FAM13A: variants seen among roughly 807,000 people sequenced by gnomAD.
FAM13A encodes the protein protein FAM13A.
FAM13A carries 76 observed loss-of-function variants against 129.6 expected under a neutral mutation model. That is an observed-to-expected ratio of 0.59 (90% CI 0.49 to 0.71). The LOEUF is 0.71. Ranked by LOEUF, FAM13A falls within the 30% of genes least tolerant of loss-of-function variation. The pLI is 0.00. For synonymous variants in FAM13A, 443 were observed against 449.9 expected, an observed-to-expected ratio of 0.98 and a Z score of 0.20; for missense variants, 1,108 against 1,249.3, an observed-to-expected ratio of 0.89 and a Z score of 1.70.
chr4:88,781,099 T>C (rs1722754394), intron 11 of FAM13A, 66 bp downstream of exon 11: 3 of 1,169,652 alleles, frequency 2.6e-6, no homozygotes, highest in Non-Finnish European at 3.5e-6. Context: ...TTAATTTTTT[T>C]ACAAAGCAAA....
intron 6 of FAM13A, among the ~76,000 whole-genome samples, chr4:88,874,678 A>G (rs542615926): frequency 1.5e-4 from 23 of 152,340 alleles, no homozygotes; most frequent in South Asian, 8.3e-4. Flanking sequence ...ATGCTCATGC[A>G]TAGGAAGAAT....
chr4:88,943,438 ACTTTCTGTTAAAATGTT>A (rs1464089822), intron 4 of FAM13A, among the ~76,000 whole-genome samples: 1 of 152,232 alleles, frequency 6.6e-6, no homozygotes, highest in East Asian at 1.9e-4. Flanking sequence ...ATCAGTCATA[ACTTTCTGTTAAAATGTT>A]GTACACCACA....
intron 7 of FAM13A, chr4:88,822,842 A>C: frequency 2.4e-6 from 3 of 1,235,914 alleles, no homozygotes; most frequent in South Asian, 3.4e-5. Context: ...GTTCTTAGGG[A>C]GGAACCATAT....
intron 6 of FAM13A, among the ~76,000 whole-genome samples, chr4:88,857,887 A>C (rs1030408894): frequency 1.3e-5 from 2 of 152,210 alleles, no homozygotes; most frequent in African/African-American, 4.8e-5. Context: ...CTGTATAATG[A>C]CTAAGAAACT....
rs1767138447 is a variant in FAM13A at position 89,020,602 on chromosome 4, C to T, written c.285G>A (p.Lys95=). The T allele has an allele frequency of 1.2e-6, 2 of 1,614,146 alleles. No individual in the cohort carries two copies. Among genetic ancestry groups the T allele is most frequent in the East Asian group, 2.2e-5 (1 of 44,880 alleles). The change falls in exon 3 of 24, where the codon AAG becomes AAA. Residue 95 remains lysine, a synonymous_variant. Coordinates refer to ENST00000264344, the MANE Select transcript of FAM13A (RefSeq NM_014883.4). ...GCTCCACGGGCACTCCACTCTCGAA[C>T]TTCAGTCGAAGTTGTTCCACCACCT... ...NVKVVEQLRL[K]FESGVPVELG...
chr4:88,867,028 T>C lies in FAM13A; in HGVS notation c.844-15845A>G, dbSNP rs190985904. 2.4e-4 allele frequency among the ~76,000 whole-genome samples: 36 copies of C among 152,350 alleles called. No homozygotes were observed. In the East Asian group the frequency reaches 6.7e-3, roughly 29 times the overall value. ...GTAGATTCTCATTATGTGTGGTAGTTATGTTCTATAAAGTTGCCATGAACA... is the reference window on the plus strand; with the variant it reads ...GTAGATTCTCATTATGTGTGGTAGTCATGTTCTATAAAGTTGCCATGAACA... On this transcript the variant is annotated intron_variant, in intron 6 of 23. Transcript: ENST00000264344.
intron 7 of FAM13A, chr4:88,823,223 C>T (rs899770515): frequency 2.1e-6 from 3 of 1,398,850 alleles, no homozygotes; most frequent in South Asian, 3.2e-5. Context: ...GGCTGCTTCT[C>T]TACATTTACA....
At chr4:88,767,206 C>A (rs928287953) in intron 13 of FAM13A, among the ~76,000 whole-genome samples, 3 of 152,192 alleles carry the variant, frequency 2.0e-5, no homozygotes, top group Admixed American at 2.0e-4. Flanking sequence ...GTGACTAAGA[C>A]TCACTACCTA....
intron 10 of FAM13A, among the ~76,000 whole-genome samples, chr4:88,786,256 C>T (rs941347006): frequency 2.0e-5 from 3 of 152,162 alleles, no homozygotes; most frequent in African/African-American, 7.2e-5. Flanking sequence ...CACCACTTCC[C>T]ACCTCCACCT....
At chr4:88,996,073 C>A (rs374298052) in intron 3 of FAM13A, among the ~76,000 whole-genome samples, 2 of 152,086 alleles carry the variant, frequency 1.3e-5, no homozygotes, top group South Asian at 2.1e-4. Flanking sequence ...AAACAGCACA[C>A]GCAAAGGGCC....
chr4:88,980,941 C>G (rs1487502697), intron 4 of FAM13A, among the ~76,000 whole-genome samples: 1 of 152,030 alleles, frequency 6.6e-6, no homozygotes, highest in African/African-American at 2.4e-5. Context: ...GATTTGAAGA[C>G]CAATAGCAGT....
In FAM13A at chr4:88,750,438, G is replaced by A; in HGVS notation, c.1926C>T (p.Ser642=). 6.2e-7 allele frequency: 1 copy of A among 1,613,764 alleles called. No individual in the cohort carries two copies. Among genetic ancestry groups the A allele is most frequent in the South Asian group, 1.1e-5 (1 of 91,070 alleles). Residue 642 remains serine (S), a synonymous_variant, in exon 15 of 24, where the codon TCC becomes TCT. Coordinates refer to ENST00000264344, the MANE Select transcript of FAM13A (RefSeq NM_014883.4). ...DTEVPPSPPN[S]HSFMRRRSSS... ...GAGAAACATACCTCATGAAAGAATG[G>A]GAGTTTGGTGGGGAAGGAGGCACTT...
intron 4 of FAM13A, among the ~76,000 whole-genome samples, chr4:88,984,402 G>C (rs1761995912): frequency 6.6e-6 from 1 of 151,978 alleles, no homozygotes; most frequent in African/African-American, 2.4e-5. Flanking sequence ...ACCTGATAAG[G>C]AATTTATATG....
At chr4:88,944,049 A>G (rs1436794748) in intron 4 of FAM13A, among the ~76,000 whole-genome samples, 1 of 152,198 alleles carries the variant, frequency 6.6e-6, no homozygotes, top group African/African-American at 2.4e-5. Context: ...CAGCACTATG[A>G]TTATTTGCAT....
chr4:89,008,052 A>T (rs1765278288), intron 3 of FAM13A, among the ~76,000 whole-genome samples: 1 of 109,876 alleles, frequency 9.1e-6, no homozygotes, highest in Admixed American at 9.3e-5. Flanking sequence ...AATTCACTAG[A>T]CATTAAGGAT....
At chr4:88,988,188 G>A (rs1762510632) in intron 4 of FAM13A, among the ~76,000 whole-genome samples, 1 of 152,008 alleles carries the variant, frequency 6.6e-6, no homozygotes, top group Non-Finnish European at 1.5e-5. Context: ...GAAAAAAAAA[G>A]TTGTGGTTAA....
chr4:88,806,616 C>A (rs1307354185), intron 7 of FAM13A, among the ~76,000 whole-genome samples: 1 of 152,120 alleles, frequency 6.6e-6, no homozygotes, highest in Non-Finnish European at 1.5e-5. Flanking sequence ...CAACACTGAT[C>A]AGCTGTTCTA....
chr4:88,955,668 A>G (rs1034716070), intron 4 of FAM13A, among the ~76,000 whole-genome samples: 3 of 152,204 alleles, frequency 2.0e-5, no homozygotes, highest in Non-Finnish European at 2.9e-5. Context: ...GATATGGATA[A>G]TAAAGTCCAG....
intron 7 of FAM13A, among the ~76,000 whole-genome samples, chr4:88,839,529 G>T (rs1190272791): frequency 6.6e-6 from 1 of 152,188 alleles, no homozygotes; most frequent in African/African-American, 2.4e-5. Flanking sequence ...ATTGTGTGTA[G>T]ATTGAATGTG....
Sources: allele counts gnomAD v4.1 joint callset (sites outside exome capture counted in the v4.1 genomes callset), GRCh38; gene constraint gnomAD v4.1.1; transcripts MANE v1.5; gene names NCBI Gene and HGNC (gene_info 2026-07-23, HGNC 2026-07-21).